Variants in JMJD1C observed in about 807,000 individuals in gnomAD.
JMJD1C encodes the protein jumonji domain containing 1C.
Under a neutral mutation model 245.3 loss-of-function variants are expected in JMJD1C, and 31 were observed. That is an observed-to-expected ratio of 0.13 (90% confidence interval 0.09 to 0.17). The LOEUF is 0.17. Ranked by LOEUF, JMJD1C falls within the 10% of genes least tolerant of loss-of-function variation. JMJD1C has a pLI of 1.00. For synonymous variants in JMJD1C, 1,057 were observed against 1,017.4 expected, an observed-to-expected ratio of 1.04 and a Z score of -0.74; for missense variants, 2,691 against 3,000.2, an observed-to-expected ratio of 0.90 and a Z score of 2.41.
At chr10:63,354,385 T>G (rs1944625660) in intron 2 of JMJD1C, among the ~76,000 whole-genome samples, 1 of 152,194 alleles carries the variant, frequency 6.6e-6, no homozygotes. Flanking sequence ...ATTTTTAAGT[T>G]TATGAATGTA....
At chr10:63,503,814 T>C (rs756185651) in intron 1 of JMJD1C, among the ~76,000 whole-genome samples, 5 of 152,238 alleles carry the variant, frequency 3.3e-5, no homozygotes, top group African/African-American at 7.2e-5. Context: ...TTCGTAGTTC[T>C]GCCCCTTCAA....
intron 1 of JMJD1C, among the ~76,000 whole-genome samples, chr10:63,440,739 T>C (rs1028892468): frequency 5.3e-5 from 8 of 152,206 alleles, no homozygotes; most frequent in African/African-American, 1.4e-4. Flanking sequence ...GTTACTGACC[T>C]TTATTACTGT....
At chr10:63,391,603 A>C (rs1948067289) in intron 1 of JMJD1C, among the ~76,000 whole-genome samples, 1 of 152,160 alleles carries the variant, frequency 6.6e-6, no homozygotes, top group Non-Finnish European at 1.5e-5. Flanking sequence ...GTACCCCAAA[A>C]GGGAAAAGAT....
At chr10:63,466,954 T>A (rs1158029699), upstream of JMJD1C, among the ~76,000 whole-genome samples, 1 of 152,146 alleles carries the variant, frequency 6.6e-6, no homozygotes, top group Non-Finnish European at 1.5e-5. Context: ...TGCTTTTTTA[T>A]AGGTAGTCCA....
At chr10:63,475,933 T>C (rs72837044) in intron 1 of JMJD1C, among the ~76,000 whole-genome samples, 1,809 of 152,156 alleles carry the variant, frequency 0.012, 28 homozygotes, top group Non-Finnish European at 0.017. Flanking sequence ...AATGGGCTGG[T>C]AGCAGTGGCT....
intron 2 of JMJD1C, among the ~76,000 whole-genome samples, chr10:63,338,420 C>CA (rs1206851299): frequency 3.9e-5 from 6 of 151,908 alleles, no homozygotes; most frequent in African/African-American, 1.5e-4. Context: ...AGGCATGAGC[C>CA]ACCATTCTCA....
intron 2 of JMJD1C, among the ~76,000 whole-genome samples, chr10:63,288,687 C>T (rs1256335138): frequency 6.6e-6 from 1 of 152,020 alleles, no homozygotes. Context: ...TGAGACCAGC[C>T]TGGCCAACAT....
chr10:63,444,655 C>A (rs1589760065), intron 1 of JMJD1C, among the ~76,000 whole-genome samples: 1 of 133,862 alleles, frequency 7.5e-6, no homozygotes, highest in East Asian at 2.2e-4. Flanking sequence ...GACAGAGTTT[C>A]ACTCTTGCTG....
chr10:63,350,053 A>G (rs1404505369), intron 2 of JMJD1C, among the ~76,000 whole-genome samples: 1 of 152,198 alleles, frequency 6.6e-6, no homozygotes, highest in Non-Finnish European at 1.5e-5. Context: ...CCTATAAAAG[A>G]AGACAAAAAG....
chr10:63,431,481 T>C (rs1950742584), intron 1 of JMJD1C, among the ~76,000 whole-genome samples: 1 of 152,198 alleles, frequency 6.6e-6, no homozygotes, highest in South Asian at 2.1e-4. Flanking sequence ...AAATACAGTA[T>C]CCATCTACTC....
At chr10:63,511,892 T>C (rs1248282817) in intron 1 of JMJD1C, among the ~76,000 whole-genome samples, 2 of 152,044 alleles carry the variant, frequency 1.3e-5, no homozygotes, top group African/African-American at 4.8e-5. Context: ...GAATAACTGT[T>C]CTCATCTTTC....
At chr10:63,416,057 C>T (rs531054475) in intron 1 of JMJD1C, among the ~76,000 whole-genome samples, 1 of 152,234 alleles carries the variant, frequency 6.6e-6, no homozygotes, top group Non-Finnish European at 1.5e-5. Flanking sequence ...GTATCCTGCC[C>T]TTAGCGAGAA....
chr10:63,496,709 A>G (rs1053714535), intron 1 of JMJD1C, among the ~76,000 whole-genome samples: 10 of 152,136 alleles, frequency 6.6e-5, no homozygotes, highest in African/African-American at 2.4e-4. Flanking sequence ...ACCCCACCTA[A>G]TGCCATGTGA....
intron 1 of JMJD1C, among the ~76,000 whole-genome samples, chr10:63,487,838 A>G (rs1471869487): frequency 6.6e-6 from 1 of 152,252 alleles, no homozygotes; most frequent in Non-Finnish European, 1.5e-5. Context: ...ACTCTGAGTG[A>G]CAGAGAAGAA....
intron 3 of JMJD1C, chr10:63,222,759 C>G: frequency 1.3e-6 from 2 of 1,503,904 alleles, no homozygotes; most frequent in Admixed American, 3.3e-5. Context: ...TCACTGAAAA[C>G]TGAAACTAAT....
intron 2 of JMJD1C, among the ~76,000 whole-genome samples, chr10:63,344,040 GAAACAAAACC>G (rs1225047573): frequency 6.6e-6 from 1 of 151,940 alleles, no homozygotes; most frequent in Non-Finnish European, 1.5e-5. Context: ...CCTGTCTCAA[GAAACAAAACC>G]AAACAAAACA....
At chr10:63,172,097 G>A (rs761144368) in intron 24 of JMJD1C, among the ~76,000 whole-genome samples, 2 of 152,174 alleles carry the variant, frequency 1.3e-5, no homozygotes, top group Non-Finnish European at 2.9e-5. Context: ...AAAATATGTA[G>A]CAAAGAAGTT....
rs779713805 is a variant in JMJD1C at position 63,431,941 on chromosome 10, G to A, written c.168+33554C>T. Among the ~76,000 whole-genome samples, 4 of 152,178 alleles carry A rather than the reference G, an allele frequency of 2.6e-5. No homozygotes were observed. In the South Asian group the frequency reaches 8.3e-4, roughly 32 times the overall value. ...GCAGGACAATCGCTTGAACCCAGGGGACAGGGGTTGCGGTGAGCCAAGATG... is the reference window on the plus strand; with the variant it reads ...GCAGGACAATCGCTTGAACCCAGGGAACAGGGGTTGCGGTGAGCCAAGATG... On this transcript the variant is annotated intron_variant, in intron 1 of 25. Transcript: ENST00000399262.
intron 23 of JMJD1C, 112 bp from the exon 24 acceptor site, chr10:63,176,585 TG>T (rs1227825379): frequency 7.7e-6 from 6 of 776,770 alleles, no homozygotes; most frequent in African/African-American, 7.0e-5. Flanking sequence ...TCAGAATCAA[TG>T]GAACAACTGA....
Sources: allele counts gnomAD v4.1 joint callset (sites outside exome capture counted in the v4.1 genomes callset), GRCh38; gene constraint gnomAD v4.1.1; transcripts MANE v1.5; gene names NCBI Gene and HGNC (gene_info 2026-07-23, HGNC 2026-07-21).